The following PCCA variants were observed in gnomAD, a reference collection of about 807,000 sequenced individuals.
The protein encoded by PCCA is propionyl-CoA carboxylase alpha chain, mitochondrial.
PCCA carries 74 observed loss-of-function variants against 101.3 expected under a neutral mutation model. The observed-to-expected ratio is 0.73, with a 90% CI of 0.61 to 0.89. PCCA has a LOEUF of 0.89. Among genes scored for constraint, PCCA ranks in the 40% least tolerant of loss-of-function variants. The pLI is 0.00. For missense variants in PCCA, 891 were observed against 907.0 expected (o/e 0.98, Z 0.23); for synonymous variants, 294 against 313.6 (o/e 0.94, Z 0.66).
At chr13:100,203,047 C>A (rs186369541) in intron 6 of PCCA, among the ~76,000 whole-genome samples, 4 of 151,616 alleles carry the variant, frequency 2.6e-5, no homozygotes, top group Non-Finnish European at 5.9e-5. Flanking sequence ...CCAAGGTAGG[C>A]GGATCACGAG....
At position 100,307,209 on chromosome 13, in the gene PCCA, C is replaced by T; in HGVS notation, c.1302C>T (p.Gly434=). 3.1e-6 allele frequency: 5 copies of T among 1,610,384 alleles called. No homozygotes were observed. Among genetic ancestry groups the T allele is most frequent in the Non-Finnish European group, 3.4e-6 (4 of 1,177,374 alleles). ...TCTCCCAGGTCCGAGTGGACAGTGG[C>T]ATCCAACCAGGAAGTGATATTAGCA... is the stretch of plus-strand genomic sequence containing the variant. ...LHLPGVRVDS[G]IQPGSDISIY... is the part of the protein sequence containing the mutation. The change falls in exon 15 of 24, where the codon GGC becomes GGT. Residue 434 remains glycine (G), a synonymous_variant. Coordinates refer to ENST00000376285, the MANE Select transcript of PCCA (RefSeq NM_000282.4).
chr13:100,218,108 A>G (rs1036181122), intron 7 of PCCA, among the ~76,000 whole-genome samples: 2 of 151,590 alleles, frequency 1.3e-5, no homozygotes, highest in African/African-American at 2.4e-5. Context: ...TAGTTGAAAG[A>G]CATTTGGGTT....
At chr13:100,097,876 T>C (rs891260688) in intron 1 of PCCA, among the ~76,000 whole-genome samples, 1 of 151,912 alleles carries the variant, frequency 6.6e-6, no homozygotes, top group African/African-American at 2.4e-5. Flanking sequence ...ATAAAAAAAT[T>C]AGTGGGGCAT....
chr13:100,414,027 A>T (rs1045527249), intron 19 of PCCA, among the ~76,000 whole-genome samples: 3 of 152,240 alleles, frequency 2.0e-5, no homozygotes, highest in African/African-American at 7.2e-5. Flanking sequence ...TCAATTAATG[A>T]GGTGATAATT....
At chr13:100,451,258 C>T (rs1331795940) in intron 21 of PCCA, among the ~76,000 whole-genome samples, 2 of 152,120 alleles carry the variant, frequency 1.3e-5, no homozygotes, top group African/African-American at 4.8e-5. Flanking sequence ...AGTGTTTGAC[C>T]TAACATCTGG....
At chr13:100,139,529 T>C (rs1271047969) in intron 4 of PCCA, among the ~76,000 whole-genome samples, 1 of 151,764 alleles carries the variant, frequency 6.6e-6, no homozygotes, top group African/African-American at 2.4e-5. Flanking sequence ...ATCCAGTATG[T>C]TTTTTTTAAT....
At chr13:100,103,727 C>T (rs551925532) in intron 2 of PCCA, among the ~76,000 whole-genome samples, 149 of 151,334 alleles carry the variant, frequency 9.8e-4, no homozygotes, top group African/African-American at 3.2e-3. Context: ...CCTCCGCCTC[C>T]CGGCTTCAAG....
chr13:100,495,585 A>G lies in PCCA; in HGVS notation c.1900-19842A>G, dbSNP rs187142558. Among the ~76,000 whole-genome samples the G allele has an allele frequency of 3.1e-3, 467 of 152,320 alleles. 2 individuals carry two copies. The highest frequency in any genetic ancestry group is 0.011 in the African/African-American group (443 of 41,570). On this transcript the variant is annotated intron_variant, in intron 21 of 23. Transcript: ENST00000376285. ...CTTGCTTCTCATTTATGACTACTCA[A>G]TAAAGAAAATACCTTTTCCTGCTCT... is the stretch of plus-strand genomic sequence containing the variant.
At chr13:100,518,970 T>G (rs780594788) in intron 22 of PCCA, among the ~76,000 whole-genome samples, 1 of 152,256 alleles carries the variant, frequency 6.6e-6, no homozygotes, top group Non-Finnish European at 1.5e-5. Flanking sequence ...ATTAGACTTA[T>G]AGCTGCTGAA....
At chr13:100,233,968 A>G (rs1247230019) in intron 7 of PCCA, among the ~76,000 whole-genome samples, 1 of 152,214 alleles carries the variant, frequency 6.6e-6, no homozygotes, top group African/African-American at 2.4e-5. Flanking sequence ...AAATATGTCT[A>G]ATGAATTTTT....
At chr13:100,395,937 G>A (rs1451750427) in intron 19 of PCCA, among the ~76,000 whole-genome samples, 2 of 152,114 alleles carry the variant, frequency 1.3e-5, no homozygotes, top group East Asian at 1.9e-4. Context: ...CAGTCTTTTT[G>A]GATATAGGGA....
At chr13:100,222,552 A>G (rs1013127445) in intron 7 of PCCA, among the ~76,000 whole-genome samples, 1 of 152,196 alleles carries the variant, frequency 6.6e-6, no homozygotes, top group Admixed American at 6.5e-5. Flanking sequence ...TGAGTATAAG[A>G]TTACTTTTGA....
chr13:100,323,352 C>T (rs1244664244), intron 16 of PCCA, among the ~76,000 whole-genome samples: 1 of 150,966 alleles, frequency 6.6e-6, no homozygotes, highest in African/African-American at 2.4e-5. Flanking sequence ...GACAGAGTCT[C>T]ACTCTGTCAC....
intron 17 of PCCA, 108 bp from the exon 18 acceptor site, chr13:100,340,049 A>C: frequency 1.3e-6 from 1 of 744,072 alleles, no homozygotes; most frequent in South Asian, 1.4e-5. Flanking sequence ...GCTGCATAAT[A>C]GATGCCCTAT....
chr13:100,181,751 T>G (rs1170859543), intron 6 of PCCA, among the ~76,000 whole-genome samples: 1 of 139,832 alleles, frequency 7.2e-6, no homozygotes, highest in African/African-American at 2.8e-5. Context: ...CTTTTTTTTG[T>G]TTTTCTTTTT....
At chr13:100,168,871 A>G (rs2055328274) in intron 6 of PCCA, among the ~76,000 whole-genome samples, 1 of 152,320 alleles carries the variant, frequency 6.6e-6, no homozygotes, top group Admixed American at 6.5e-5. Flanking sequence ...GTTTCTTTTC[A>G]TTGTGTGAAA....
intron 4 of PCCA, among the ~76,000 whole-genome samples, chr13:100,148,407 A>C (rs2052852445): frequency 7.0e-6 from 1 of 143,244 alleles, no homozygotes. Context: ...TACAGTCCTC[A>C]CCCCACCCAC....
At chr13:100,419,237 C>T (rs1210228418) in intron 19 of PCCA, among the ~76,000 whole-genome samples, 27 of 151,838 alleles carry the variant, frequency 1.8e-4, no homozygotes, top group African/African-American at 6.0e-4. Flanking sequence ...TTTGGGAGGC[C>T]GAGGTGGGTG....
At chr13:100,172,562 TCCTTGATCATA>T (rs1316964899) in intron 6 of PCCA, among the ~76,000 whole-genome samples, 1 of 152,242 alleles carries the variant, frequency 6.6e-6, no homozygotes, top group Admixed American at 6.5e-5. Context: ...GCCGTCATCA[TCCTTGATCATA>T]CCATTTAAAA....
Sources: gnomAD v4.1 joint callset for allele counts (sites outside exome capture counted in the v4.1 genomes callset) on GRCh38, gnomAD v4.1.1 for gene constraint, MANE v1.5 for transcripts, NCBI Gene and HGNC (gene_info 2026-07-23, HGNC 2026-07-21) for gene names.